MYO3B: variants seen among roughly 807,000 people sequenced by gnomAD.
MYO3B encodes the protein myosin IIIB.
Under a neutral mutation model 174.6 loss-of-function variants are expected in MYO3B, and 156 were observed. The observed-to-expected ratio is 0.89, with a 90% CI of 0.78 to 1.02. The LOEUF (loss-of-function observed/expected upper bound fraction) is 1.02, where lower values mean the gene tolerates loss of function less well. Among genes scored for constraint, MYO3B ranks in the 50% least tolerant of loss-of-function variants. MYO3B has a pLI of 0.00. For missense variants in MYO3B, 1,632 were observed against 1,639.4 expected (o/e 1.00, Z 0.08); for synonymous variants, 563 against 569.1 (o/e 0.99, Z 0.15).
intron 23 of MYO3B, among the ~76,000 whole-genome samples, chr2:170,449,186 G>A (rs1683440383): frequency 6.6e-6 from 1 of 151,978 alleles, no homozygotes; most frequent in Non-Finnish European, 1.5e-5. Flanking sequence ...GTGTAGACAA[G>A]GTATGAGGCC....
rs542867073 is a variant in MYO3B, at chr2:170,491,471, G to A, written c.3015-7121G>A. ...TTTAAGACGGAGTCTCTGTCGACAG[G>A]CTGGAGTGCAGTGGCGCGATCTCTG... On this transcript the variant is annotated intron_variant, in intron 25 of 34. Coordinates refer to ENST00000408978, the MANE Select transcript of MYO3B (RefSeq NM_138995.5). 7.9e-5 allele frequency among the ~76,000 whole-genome samples: 12 copies of A among 151,638 alleles called. No individual in the cohort carries two copies. The East Asian group carries it at 2.3e-3, about 30-fold the overall frequency.
chr2:170,549,679 A>G (rs1690754728), intron 32 of MYO3B, among the ~76,000 whole-genome samples: 1 of 152,194 alleles, frequency 6.6e-6, no homozygotes, highest in South Asian at 2.1e-4. Context: ...TGTGACAGAA[A>G]TGTTTTCCAA....
intron 32 of MYO3B, among the ~76,000 whole-genome samples, chr2:170,611,891 A>G (rs545907774): frequency 7.2e-5 from 11 of 152,338 alleles, no homozygotes; most frequent in African/African-American, 2.4e-4. Context: ...ATCCAAATGT[A>G]GGAACTTCAC....
intron 32 of MYO3B, among the ~76,000 whole-genome samples, chr2:170,600,034 G>A (rs1694411313): frequency 6.6e-6 from 1 of 151,984 alleles, no homozygotes; most frequent in South Asian, 2.1e-4. Context: ...TCTTATGGCA[G>A]TGATGGCTCT....
At chr2:170,395,333 A>G (rs143535931) in intron 16 of MYO3B, among the ~76,000 whole-genome samples, 6 of 152,304 alleles carry the variant, frequency 3.9e-5, no homozygotes, top group East Asian at 3.9e-4. Context: ...GAATTAACAT[A>G]TTACATAAAT....
chr2:170,542,929 C>T lies in MYO3B; in HGVS notation c.3599C>T (p.Pro1200Leu). The T allele has an allele frequency of 6.2e-7, 1 of 1,608,610 alleles. No individual in the cohort carries two copies. The highest frequency in any genetic ancestry group is 8.5e-7 in the Non-Finnish European group (1 of 1,177,156). Residue 1200 changes from proline to leucine, a missense_variant, in exon 31 of 35, where the codon CCA becomes CTA. Pro to Leu is a moderately conservative substitution (Grantham distance 98, BLOSUM62 -3). Transcript: ENST00000408978. The part of the protein sequence containing the change: ...KNGHSQAQSS[P>L]KGCDIFAGHA... ...AGGCATTCACAAGCCCAGAGTTCTC[C>T]AAAAGGGTGCGATATCTTCGCAGGA...
chr2:170,558,275 T>A (rs1243421160), intron 32 of MYO3B, among the ~76,000 whole-genome samples: 1 of 150,988 alleles, frequency 6.6e-6, no homozygotes, highest in Non-Finnish European at 1.5e-5. Context: ...TACTCCAGCC[T>A]GGTACAGACA....
chr2:170,424,078 G>A (rs938698479), intron 22 of MYO3B, among the ~76,000 whole-genome samples: 2 of 152,156 alleles, frequency 1.3e-5, no homozygotes, highest in African/African-American at 4.8e-5. Flanking sequence ...TATCCAATAG[G>A]TATCTTTACT....
At chr2:170,634,989 T>C (rs1158695682) in intron 32 of MYO3B, among the ~76,000 whole-genome samples, 1 of 152,064 alleles carries the variant, frequency 6.6e-6, no homozygotes, top group Non-Finnish European at 1.5e-5. Context: ...TGTGGAGAAA[T>C]AGGAACACTT....
chr2:170,180,343 G>A (rs1205745384), intron 1 of MYO3B, among the ~76,000 whole-genome samples: 1 of 152,202 alleles, frequency 6.6e-6, no homozygotes, highest in Admixed American at 6.5e-5. Flanking sequence ...AATTTCATGG[G>A]TTACAAGGAC....
chr2:170,365,990 C>T (rs544584923), intron 8 of MYO3B, among the ~76,000 whole-genome samples: 164 of 152,100 alleles, frequency 1.1e-3, no homozygotes, highest in African/African-American at 3.4e-3. Context: ...CTTTGTTTTG[C>T]GTTAAATGAA....
chr2:170,367,268 G>C (rs758486716), intron 8 of MYO3B, among the ~76,000 whole-genome samples: 1 of 152,314 alleles, frequency 6.6e-6, no homozygotes, highest in East Asian at 1.9e-4. Flanking sequence ...ATGTGGGGAG[G>C]GTGACGGATG....
At chr2:170,196,351 C>A (rs1398296954) in intron 1 of MYO3B, among the ~76,000 whole-genome samples, 1 of 152,084 alleles carries the variant, frequency 6.6e-6, no homozygotes, top group East Asian at 1.9e-4. Flanking sequence ...TACTCTCCAC[C>A]CCACCAAAAA....
chr2:170,588,899 G>C (rs770638663), intron 32 of MYO3B, among the ~76,000 whole-genome samples: 2 of 152,180 alleles, frequency 1.3e-5, no homozygotes, highest in Non-Finnish European at 2.9e-5. Context: ...ACACTCAAGA[G>C]GTTCATCCAT....
At chr2:170,255,343 C>A (rs556141497) in intron 7 of MYO3B, among the ~76,000 whole-genome samples, 13 of 152,212 alleles carry the variant, frequency 8.5e-5, no homozygotes, top group South Asian at 4.2e-4. Flanking sequence ...GCTCCTCCCC[C>A]CTTCCCTCAC....
intron 32 of MYO3B, 85 bp from the exon 33 acceptor site, chr2:170,651,543 A>C: frequency 4.0e-6 from 4 of 994,864 alleles, no homozygotes; most frequent in Non-Finnish European, 6.4e-6. Context: ...AGTTTCTACT[A>C]AGTGCATTTA....
intron 3 of MYO3B, among the ~76,000 whole-genome samples, chr2:170,210,738 A>G (rs2092760874): frequency 1.3e-5 from 2 of 152,240 alleles, no homozygotes. Flanking sequence ...TTTTACCAAT[A>G]ATCTTTAAGG....
intron 6 of MYO3B, among the ~76,000 whole-genome samples, chr2:170,225,800 G>A (rs185770472): frequency 6.6e-6 from 1 of 152,186 alleles, no homozygotes; most frequent in East Asian, 1.9e-4. Flanking sequence ...GGTAAAATGG[G>A]GAGAAAAAAA....
intron 15 of MYO3B, 83 bp from the exon 16 acceptor site, chr2:170,392,298 A>G (rs2094417520): frequency 5.1e-6 from 5 of 980,488 alleles, no homozygotes; most frequent in African/African-American, 4.9e-5. Context: ...ATCTTTAAAC[A>G]AACAACAAAC....
Sources: gnomAD v4.1 joint callset for allele counts (sites outside exome capture counted in the v4.1 genomes callset) on GRCh38, gnomAD v4.1.1 for gene constraint, MANE v1.5 for transcripts, NCBI Gene and HGNC (gene_info 2026-07-23, HGNC 2026-07-21) for gene names.